The following LARGE1 variants were observed in gnomAD, a reference collection of about 807,000 sequenced individuals.
LARGE1 encodes the protein xylosyl- and glucuronyltransferase LARGE1.
LARGE1 carries 43 observed loss-of-function variants against 87.6 expected under a neutral mutation model. The ratio of observed to expected loss-of-function variants is 0.49; its 90% CI spans 0.38 to 0.63. The LOEUF (loss-of-function observed/expected upper bound fraction) is 0.63, where lower values mean the gene tolerates loss of function less well. Among genes scored for constraint, LARGE1 ranks in the 30% least tolerant of loss-of-function variants. The probability of loss-of-function intolerance (pLI) is 0.00; values close to 1 mark genes in which losing one functional copy is unlikely to be tolerated. For synonymous variants in LARGE1, 434 were observed against 394.6 expected (o/e 1.10, Z -1.18); for missense variants, 802 against 1,000.2 (o/e 0.80, Z 2.67).
rs73885009 is a variant in LARGE1 at position 33,223,179 on chromosome 22, C to T, written c.1731-56347G>A. On this transcript the variant is annotated intron_variant, in intron 11 of 11. Transcript: ENST00000608642. ...TAGTTTCATCTCTATCTGCCTGATT[C>T]TTTGGCCTCTCAGGTGGAGAAAGTA... Among the ~76,000 whole-genome samples, 1,134 of 152,324 alleles carry T rather than the reference C, an allele frequency of 7.4e-3. 3 individuals are homozygous for T. The highest frequency in any genetic ancestry group is 0.027 in the Middle Eastern group (8 of 294).
At chr22:33,884,577 T>C (rs566521936) in intron 1 of LARGE1, among the ~76,000 whole-genome samples, 19 of 152,270 alleles carry the variant, frequency 1.2e-4, no homozygotes, top group South Asian at 8.3e-4. Flanking sequence ...CAAGACCAGA[T>C]TGGGGAGGCC....
intron 11 of LARGE1, among the ~76,000 whole-genome samples, chr22:33,194,888 C>T (rs1027408102): frequency 1.1e-4 from 16 of 152,186 alleles, no homozygotes; most frequent in African/African-American, 3.9e-4. Context: ...CTTCTCTTGA[C>T]TCTCAGCCCA....
chr22:33,318,379 C>T (rs888081646), intron 10 of LARGE1, among the ~76,000 whole-genome samples: 6 of 152,108 alleles, frequency 3.9e-5, no homozygotes, highest in African/African-American at 1.4e-4. Flanking sequence ...TTTGTCCTTG[C>T]GATAGTTTGC....
At chr22:33,352,709 C>T (rs1160292540) in intron 9 of LARGE1, among the ~76,000 whole-genome samples, 1 of 152,126 alleles carries the variant, frequency 6.6e-6, no homozygotes, top group African/African-American at 2.4e-5. Context: ...TTGCAGTGAG[C>T]TGAGATCACA....
intron 2 of LARGE1, among the ~76,000 whole-genome samples, chr22:33,721,996 A>G (rs894665531): frequency 2.6e-5 from 4 of 152,204 alleles, no homozygotes; most frequent in African/African-American, 9.6e-5. Context: ...TCACGCCTGT[A>G]ATCCCAGCAG....
intron 11 of LARGE1, among the ~76,000 whole-genome samples, chr22:33,259,225 G>T (rs1038019880): frequency 1.3e-5 from 2 of 151,990 alleles, no homozygotes; most frequent in Non-Finnish European, 2.9e-5. Flanking sequence ...TCTGATTCCT[G>T]TTCCCATTCC....
chr22:33,165,329 ATTG>A (rs1922211196), exon 12 of LARGE1: 2 of 152,142 alleles, frequency 1.3e-5, no homozygotes, highest in African/African-American at 4.8e-5. Flanking sequence ...GTGCTCACCC[ATTG>A]TTAACACTGG....
At chr22:33,734,762 C>T (rs1382486730) in intron 2 of LARGE1, among the ~76,000 whole-genome samples, 2 of 152,070 alleles carry the variant, frequency 1.3e-5, no homozygotes. Context: ...ATCACAAAGA[C>T]CTTCTCCCAC....
At chr22:33,721,994 G>A (rs2083113002) in intron 2 of LARGE1, among the ~76,000 whole-genome samples, 2 of 152,220 alleles carry the variant, frequency 1.3e-5, no homozygotes, top group African/African-American at 4.8e-5. Flanking sequence ...GCTCACGCCT[G>A]TAATCCCAGC....
At chr22:33,300,458 T>G (rs963540862) in intron 12 of LARGE1, among the ~76,000 whole-genome samples, 1 of 152,176 alleles carries the variant, frequency 6.6e-6, no homozygotes, top group African/African-American at 2.4e-5. Flanking sequence ...TCACTCTAGC[T>G]TCAGCTGCCT....
intron 11 of LARGE1, among the ~76,000 whole-genome samples, chr22:33,252,397 T>C (rs546221364): frequency 6.0e-4 from 91 of 152,120 alleles, no homozygotes; most frequent in Non-Finnish European, 1.1e-3. Flanking sequence ...AGTAGTAATG[T>C]TGACTTCATC....
At chr22:33,636,914 A>C (rs548512997) in intron 3 of LARGE1, among the ~76,000 whole-genome samples, 25 of 152,316 alleles carry the variant, frequency 1.6e-4, no homozygotes, top group African/African-American at 6.0e-4. Flanking sequence ...AGTAATGGGT[A>C]TGTATCAGCA....
intron 6 of LARGE1, among the ~76,000 whole-genome samples, chr22:33,520,740 G>A (rs1454161688): frequency 1.3e-5 from 2 of 152,156 alleles, no homozygotes; most frequent in African/African-American, 4.8e-5. Flanking sequence ...ATGGGATTCC[G>A]TGCAAAACAC....
intron 11 of LARGE1, among the ~76,000 whole-genome samples, chr22:33,196,842 C>A (rs988776211): frequency 1.8e-4 from 28 of 152,082 alleles, no homozygotes; most frequent in Admixed American, 1.7e-3. Context: ...TTACAGGCCA[C>A]TATGCCTCAT....
chr22:33,468,740 G>GA (rs144199931), intron 6 of LARGE1, among the ~76,000 whole-genome samples: 2,180 of 152,278 alleles, frequency 0.014, 61 homozygotes, highest in African/African-American at 0.05. Context: ...CACACAGCTA[G>GA]AATACGGTAG....
chr22:33,528,144 C>T (rs12158147), intron 6 of LARGE1, among the ~76,000 whole-genome samples: 1,432 of 99,356 alleles, frequency 0.014, 26 homozygotes, highest in African/African-American at 0.052. Flanking sequence ...GGGGGCGGGG[C>T]GGGGTAAAAT....
At chr22:33,910,113 T>C (rs1196672085) in intron 1 of LARGE1, among the ~76,000 whole-genome samples, 1 of 152,166 alleles carries the variant, frequency 6.6e-6, no homozygotes, top group Admixed American at 6.5e-5. Flanking sequence ...CTATTGTTGC[T>C]CGTAACTGTT....
Position 33,592,436 on chromosome 22 carries a change from G to A in LARGE1, c.615+11999C>T, listed in dbSNP as rs528795214. 2.6e-5 allele frequency among the ~76,000 whole-genome samples: 4 copies of A among 152,078 alleles called. No homozygotes were observed. The South Asian group carries it at 8.3e-4, about 32-fold the overall frequency. On this transcript the variant is annotated intron_variant, in intron 5 of 14. Coordinates refer to ENST00000397394, the MANE Select transcript of LARGE1 (RefSeq NM_133642.5). ...TTCATTGGGGTCATGTCTGAGCTTTGCAGAAACACCTTACCCTTTTTTCCA... is the reference window on the plus strand; with the variant it reads ...TTCATTGGGGTCATGTCTGAGCTTTACAGAAACACCTTACCCTTTTTTCCA...
chr22:33,180,310 G>T (rs181015295), intron 11 of LARGE1, among the ~76,000 whole-genome samples: 2 of 152,276 alleles, frequency 1.3e-5, no homozygotes, highest in Admixed American at 1.3e-4. Context: ...TATACAAAGA[G>T]CACATGAAAA....
Sources: allele counts gnomAD v4.1 joint callset (sites outside exome capture counted in the v4.1 genomes callset), GRCh38; gene constraint gnomAD v4.1.1; transcripts MANE v1.5; gene names NCBI Gene and HGNC (gene_info 2026-07-23, HGNC 2026-07-21).